Variants in CDHR2 observed in about 807,000 individuals in gnomAD.
The protein encoded by CDHR2 is cadherin related family member 2, also known as cadherin-related family member 2.
In CDHR2, 104 loss-of-function variants were observed where a neutral mutation model predicts 138.6. The observed-to-expected ratio is 0.75, with a 90% CI of 0.64 to 0.88. CDHR2 has a LOEUF of 0.88. Ranked by LOEUF, CDHR2 falls within the 40% of genes least tolerant of loss-of-function variation. CDHR2 has a pLI of 0.00. For synonymous variants in CDHR2, 755 were observed against 742.8 expected (o/e 1.02, Z -0.27); for missense variants, 1,624 against 1,727.6 (o/e 0.94, Z 1.06).
Position 176,592,913 on chromosome 5 carries a change from T to C in CDHR2, c.3792+133T>C, listed in dbSNP as rs928431520. On this transcript the variant is annotated intron_variant, in intron 31 of 31. Transcript: ENST00000261944. ...CTCTGCACCAGGCCCCAGGAAGCCCTGTGGCTTTGGAATGGGGTCCAATTC... is the reference window on the plus strand; with the variant it reads ...CTCTGCACCAGGCCCCAGGAAGCCCCGTGGCTTTGGAATGGGGTCCAATTC... 2.4e-5 allele frequency: 19 copies of C among 785,620 alleles called. No individual in the cohort carries two copies. In the African/African-American group the frequency reaches 2.9e-4, roughly 12 times the overall value. The allele number at this position is 785,620 out of a possible 1,614,324, so 48.7% of individuals were successfully genotyped here.
At chr5:176,559,048 T>C (rs1757907802) in intron 1 of CDHR2, among the ~76,000 whole-genome samples, 1 of 152,230 alleles carries the variant, frequency 6.6e-6, no homozygotes, top group South Asian at 2.1e-4. Flanking sequence ...ACAGGCCTCT[T>C]AACGTGGTTA....
intron 7 of CDHR2, 104 bp downstream of exon 7, chr5:176,574,276 C>G: frequency 1.2e-6 from 1 of 867,882 alleles, no homozygotes; most frequent in South Asian, 1.5e-5. Flanking sequence ...ATTGGTCCTG[C>G]CTTGGCCCAG....
rs753576616 is a variant in CDHR2 at position 176,578,508 on chromosome 5, A to C, written c.1718A>C (p.Gln573Pro). The change falls in exon 16 of 32, where the codon CAG becomes CCG. Residue 573 changes from glutamine to proline, a missense_variant. Coordinates refer to ENST00000261944, the MANE Select transcript of CDHR2 (RefSeq NM_017675.6). ...GGNLSSSTTL[Q>P]IHLLDINDNA... is the part of the protein sequence containing the mutation. ...AACCTGTCCTCCTCCACCACACTGC[A>C]GATCCACCTGCTGGACATCAACGAC... 6.2e-7 allele frequency: 1 copy of C among 1,614,026 alleles called. No individual in the cohort carries two copies. The highest frequency in any genetic ancestry group is 8.5e-7 in the Non-Finnish European group (1 of 1,179,914).
chr5:176,575,108 G>A lies in CDHR2; in HGVS notation c.520G>A (p.Glu174Lys), dbSNP rs781138032. 13 of 1,614,140 alleles carry A rather than the reference G, an allele frequency of 8.1e-6. No individual in the cohort carries two copies. Among genetic ancestry groups the A allele is most frequent in the African/African-American group, 4.0e-5 (3 of 75,070 alleles). ...GGTCATCCCTAGCACTGGGGACAGC[G>A]AGCATCTCTTCCGGATCCTGGCCAA... Reference protein sequence around the residue: ...EKVIPSTGDSEHLFRILANGS... With the variant: ...EKVIPSTGDSKHLFRILANGS... Residue 174 changes from glutamate to lysine, a missense_variant, in exon 8 of 32, where the codon GAG becomes AAG. Physicochemically the swap from Glu to Lys is moderately conservative, Grantham distance 56. This residue lies in a region of CDHR2 where 1,061 missense variants were observed against 1,136.6 expected (regional missense o/e 0.93). Transcript: ENST00000261944.
chr5:176,567,293 A>G (rs1051945132), intron 3 of CDHR2, among the ~76,000 whole-genome samples: 3 of 149,798 alleles, frequency 2.0e-5, no homozygotes, highest in African/African-American at 7.4e-5. Flanking sequence ...TCAGCCTCCC[A>G]GGTGGCTGGG....
chr5:176,590,193 AG>A (rs1309636346), intron 25 of CDHR2, 47 bp downstream of exon 25: 2 of 1,609,164 alleles, frequency 1.2e-6, no homozygotes, highest in Non-Finnish European at 1.7e-6. Context: ...GAGAAGCGGT[AG>A]CAGGAGGGGC....
At chr5:176,570,700 C>G in intron 5 of CDHR2, among the ~76,000 whole-genome samples, 1 of 152,126 alleles carries the variant, frequency 6.6e-6, no homozygotes, top group East Asian at 1.9e-4. Flanking sequence ...GCCTGTAATC[C>G]CAGCACTTTG....
In CDHR2 at chr5:176,595,514, C is replaced by T; in HGVS notation, c.3793-18C>T. The T allele has an allele frequency of 1.3e-6, 2 of 1,576,034 alleles. No individual in the cohort carries two copies. Among genetic ancestry groups the T allele is most frequent in the African/African-American group, 1.4e-5 (1 of 73,706 alleles). ...CACCTTGCCTTGCCCTTCACACCTC[C>T]TCTCCCTCTCCCTGCAGGAGCACAG... On this transcript the variant is annotated intron_variant, in intron 31 of 31. Transcript: ENST00000261944.
chr5:176,571,347 A>G (rs1162295001), intron 6 of CDHR2, 45 bp downstream of exon 6: 1 of 1,406,374 alleles, frequency 7.1e-7, no homozygotes, highest in Non-Finnish European at 9.8e-7. Flanking sequence ...GGCATCCCAA[A>G]GTGCTTCTCA....
At chr5:176,592,483 T>C (rs1172926796) in intron 30 of CDHR2, among the ~76,000 whole-genome samples, 1 of 150,074 alleles carries the variant, frequency 6.7e-6, no homozygotes, top group Non-Finnish European at 1.5e-5. Context: ...GTTGAGGTGA[T>C]GGTGATGGTG....
At position 176,589,598 on chromosome 5, in the gene CDHR2, A is replaced by G. The variant is rs115479311; in HGVS notation, c.3188A>G (p.Asn1063Ser). 16 of 1,614,016 alleles carry G rather than the reference A, an allele frequency of 9.9e-6. No homozygotes were observed. The East Asian group carries it at 1.6e-4, about 16-fold the overall frequency. The stretch of plus-strand genomic sequence containing the variant: ...ACACCGAAGGAGGAGGTGGGCGCCA[A>G]CAGACAGGCGATTAATGCGTAGGTC... ...FSTPKEEVGA[N>S]RQAINAALTQ... Residue 1063 changes from asparagine (N) to serine (S), a missense_variant, in exon 24 of 32, where the codon AAC (asparagine) becomes AGC (serine). Physicochemically the swap from Asn to Ser is conservative, Grantham distance 46 (BLOSUM62 1). Coordinates refer to ENST00000261944, the MANE Select transcript of CDHR2 (RefSeq NM_017675.6).
At chr5:176,592,984 C>T (rs1451183775) in intron 31 of CDHR2, among the ~76,000 whole-genome samples, 2 of 152,182 alleles carry the variant, frequency 1.3e-5, no homozygotes, top group Non-Finnish European at 2.9e-5. Flanking sequence ...GACTTCTTGC[C>T]TCTGCTTCTC....
rs1422367299 is a variant in CDHR2 at position 176,577,619 on chromosome 5, C to T, written c.1351-18C>T. The T allele has an allele frequency of 2.5e-6, 4 of 1,614,012 alleles. No individual in the cohort carries two copies. The African/African-American group carries it at 5.3e-5, about 22-fold the overall frequency. The stretch of plus-strand genomic sequence containing the variant: ...GGCACTTGGGCCCCACAGCTGCTGC[C>T]TCCTCCCCTGCCCCCAGGTTGTGGC... On this transcript the variant is annotated intron_variant, in intron 13 of 31. Coordinates refer to ENST00000261944, the MANE Select transcript of CDHR2 (RefSeq NM_017675.6).
intron 31 of CDHR2, 120 bp downstream of exon 31, chr5:176,592,900 C>T: frequency 2.4e-6 from 2 of 840,816 alleles, no homozygotes; most frequent in Admixed American, 1.9e-5. Context: ...CTGCACCAGG[C>T]CCCAGGAAGC....
At position 176,553,296 on chromosome 5, in the gene CDHR2, C is replaced by A. The variant is rs1056018846; in HGVS notation, c.-16+3882C>A. ...GGGTTCTGCCCATTACTGGCTGGGC[C>A]GCGCCCTTTCCCCTCTTGGACGTCA... On this transcript the variant is annotated intron_variant, in intron 1 of 31. Transcript: ENST00000261944. This position sits in a 1 kb window ranked among gnomAD's most constrained non-coding sequence, Gnocchi z 4.3. Among the ~76,000 whole-genome samples the A allele has an allele frequency of 6.6e-6, 1 of 152,196 alleles. No homozygotes were observed. The highest frequency in any genetic ancestry group is 1.5e-5 in the Non-Finnish European group (1 of 68,036).
At chr5:176,561,801 G>A (rs555291224) in intron 1 of CDHR2, among the ~76,000 whole-genome samples, 2 of 152,052 alleles carry the variant, frequency 1.3e-5, no homozygotes, top group East Asian at 1.9e-4. Context: ...CACCTCGCCC[G>A]GCTAATTTTT....
chr5:176,591,175 A>G, intron 28 of CDHR2, 35 bp from the exon 29 acceptor site: 1 of 1,438,860 alleles, frequency 6.9e-7, no homozygotes, highest in Non-Finnish European at 9.8e-7. Flanking sequence ...ACAGGTGTGC[A>G]GCAACAGTGT....
intron 1 of CDHR2, among the ~76,000 whole-genome samples, chr5:176,560,448 C>G (rs1470925062): frequency 6.6e-6 from 1 of 151,838 alleles, no homozygotes; most frequent in Non-Finnish European, 1.5e-5. Context: ...GATTAATACA[C>G]CAGATTCAAG....
At chr5:176,570,085 T>C (rs1196004864) in intron 5 of CDHR2, among the ~76,000 whole-genome samples, 1 of 152,244 alleles carries the variant, frequency 6.6e-6, no homozygotes, top group Non-Finnish European at 1.5e-5. Flanking sequence ...CATGCCTCCA[T>C]GTACTTCTTG....
Sources: gnomAD v4.1 joint callset for allele counts (sites outside exome capture counted in the v4.1 genomes callset) on GRCh38, gnomAD v4.1.1 for gene constraint, gnomAD v4.1.1 regional missense constraint, Gnocchi (gnomAD v3.1) non-coding constraint, MANE v1.5 for transcripts, NCBI Gene and HGNC (gene_info 2026-07-23, HGNC 2026-07-21) for gene names.